SH3RF1: variants seen among roughly 807,000 people sequenced by gnomAD.
The protein encoded by SH3RF1 is E3 ubiquitin-protein ligase SH3RF1.
In SH3RF1, 32 loss-of-function variants were observed where a neutral mutation model predicts 74.0. That is an observed-to-expected ratio of 0.43 (90% confidence interval 0.33 to 0.58). The LOEUF (loss-of-function observed/expected upper bound fraction) is 0.58. Among genes scored for constraint, SH3RF1 ranks in the 20% least tolerant of loss-of-function variants. SH3RF1 has a pLI of 0.05. For synonymous variants in SH3RF1, 396 were observed against 439.6 expected (o/e 0.90, Z 1.24); for missense variants, 954 against 1,130.9 (o/e 0.84, Z 2.24).
chr4:169,141,060 C>T (rs1169129756), intron 4 of SH3RF1, among the ~76,000 whole-genome samples: 1 of 146,334 alleles, frequency 6.8e-6, no homozygotes, highest in Non-Finnish European at 1.5e-5. Context: ...GACAATTCTT[C>T]TTCCAATGTG....
intron 10 of SH3RF1, among the ~76,000 whole-genome samples, chr4:169,111,075 A>T (rs1215042051): frequency 6.6e-6 from 1 of 151,850 alleles, no homozygotes; most frequent in Non-Finnish European, 1.5e-5. Context: ...TGGGAGGCCG[A>T]GGCAGGGGGA....
chr4:169,129,532 C>T (rs1733579133), intron 6 of SH3RF1, among the ~76,000 whole-genome samples: 1 of 152,182 alleles, frequency 6.6e-6, no homozygotes, highest in Non-Finnish European at 1.5e-5. Flanking sequence ...TCAACATAAT[C>T]TAAGGGGGCC....
intron 5 of SH3RF1, among the ~76,000 whole-genome samples, chr4:169,133,551 G>A (rs981990121): frequency 7.9e-5 from 12 of 152,040 alleles, no homozygotes; most frequent in Non-Finnish European, 2.9e-5. Flanking sequence ...GCTGAAGTAG[G>A]TGGATCACCT....
At chr4:169,200,794 C>T (rs1561051509) in intron 2 of SH3RF1, among the ~76,000 whole-genome samples, 1 of 152,138 alleles carries the variant, frequency 6.6e-6, no homozygotes. Context: ...CCAGAGTAGT[C>T]TGGTGAGACA....
At chr4:169,114,526 C>T (rs72706431) in intron 10 of SH3RF1, among the ~76,000 whole-genome samples, 14,511 of 151,686 alleles carry the variant, frequency 0.096, 912 homozygotes, top group South Asian at 0.17. Flanking sequence ...ACTATTCTGT[C>T]TATCACAAGT....
intron 5 of SH3RF1, among the ~76,000 whole-genome samples, chr4:169,132,112 T>C (rs1681943138): frequency 6.6e-6 from 1 of 152,220 alleles, no homozygotes; most frequent in Non-Finnish European, 1.5e-5. Context: ...CTTTGTGTGT[T>C]TTGTCCAATT....
At chr4:169,183,249 G>A (rs1170704604) in intron 2 of SH3RF1, among the ~76,000 whole-genome samples, 3 of 152,278 alleles carry the variant, frequency 2.0e-5, no homozygotes, top group South Asian at 2.1e-4. Flanking sequence ...GCAAAGAGCC[G>A]AGATTGCATC....
At chr4:169,237,088 A>C (rs1276413822) in intron 2 of SH3RF1, among the ~76,000 whole-genome samples, 4 of 152,218 alleles carry the variant, frequency 2.6e-5, no homozygotes, top group African/African-American at 9.6e-5. Flanking sequence ...ATTCAACAGA[A>C]GGAGCCAAAA....
At chr4:169,210,456 CATT>C (rs1426689394) in intron 2 of SH3RF1, among the ~76,000 whole-genome samples, 1 of 152,180 alleles carries the variant, frequency 6.6e-6, no homozygotes, top group Non-Finnish European at 1.5e-5. Flanking sequence ...TACAGTGAAA[CATT>C]ATGCAGATTT....
chr4:169,145,288 T>A (rs965557301), intron 4 of SH3RF1, among the ~76,000 whole-genome samples: 2 of 152,074 alleles, frequency 1.3e-5, no homozygotes, highest in South Asian at 4.1e-4. Flanking sequence ...TGCAGCAACA[T>A]GGATGGAGCT....
chr4:169,256,115 T>C (rs555546173), intron 2 of SH3RF1, among the ~76,000 whole-genome samples: 2 of 152,310 alleles, frequency 1.3e-5, no homozygotes, highest in East Asian at 1.9e-4. Flanking sequence ...ACATCTAGTT[T>C]CCCTTACGGA....
At chr4:169,112,766 C>T (rs1733262624) in intron 10 of SH3RF1, among the ~76,000 whole-genome samples, 2 of 151,936 alleles carry the variant, frequency 1.3e-5, no homozygotes, top group Non-Finnish European at 2.9e-5. Flanking sequence ...TGCAAAAATG[C>T]TAAAGACAAA....
chr4:169,177,497 A>T (rs1024464912), intron 2 of SH3RF1, among the ~76,000 whole-genome samples: 1 of 152,244 alleles, frequency 6.6e-6, no homozygotes, highest in South Asian at 2.1e-4. Flanking sequence ...CACTGACTTT[A>T]ATGAGCACAC....
chr4:169,154,194 T>G (rs947198022), intron 4 of SH3RF1, among the ~76,000 whole-genome samples: 1 of 152,182 alleles, frequency 6.6e-6, no homozygotes, highest in Admixed American at 6.5e-5. Context: ...TTGTTTGGTT[T>G]TTTTCTGTTG....
At chr4:169,204,170 C>G (rs1210468200) in intron 2 of SH3RF1, 2 of 152,188 alleles carry the variant, frequency 1.3e-5, no homozygotes, top group Admixed American at 6.5e-5. Context: ...ACAAATCCCA[C>G]AGAGAATATG....
At chr4:169,152,641 G>A (rs962674206) in intron 4 of SH3RF1, among the ~76,000 whole-genome samples, 1 of 152,172 alleles carries the variant, frequency 6.6e-6, no homozygotes, top group South Asian at 2.1e-4. Context: ...GGAGGCTGAC[G>A]CAAGAGAATT....
chr4:169,184,206 AT>A (rs1037419226), intron 2 of SH3RF1, among the ~76,000 whole-genome samples: 1 of 152,130 alleles, frequency 6.6e-6, no homozygotes, highest in African/African-American at 2.4e-5. Flanking sequence ...ACGGCAGGAG[AT>A]CTCTTGCGGG....
At chr4:169,123,750 G>A (rs144948802) in intron 6 of SH3RF1, among the ~76,000 whole-genome samples, 1,668 of 152,212 alleles carry the variant, frequency 0.011, 11 homozygotes, top group Non-Finnish European at 0.015. Context: ...AAATTAGCCG[G>A]GTGTGATGGC....
intron 2 of SH3RF1, among the ~76,000 whole-genome samples, chr4:169,251,775 C>T (rs1000182844): frequency 3.9e-5 from 6 of 152,188 alleles, no homozygotes; most frequent in African/African-American, 1.2e-4. Flanking sequence ...GAAACCCAAT[C>T]TGTTTCAGAA....
Sources: allele counts gnomAD v4.1 joint callset (sites outside exome capture counted in the v4.1 genomes callset), GRCh38; gene constraint gnomAD v4.1.1; transcripts MANE v1.5; gene names NCBI Gene and HGNC (gene_info 2026-07-23, HGNC 2026-07-21).